Variants in MRPS28 observed in about 807,000 individuals in gnomAD.
MRPS28 encodes mitochondrial ribosomal protein S28.
In MRPS28, 7 loss-of-function variants were observed where a neutral mutation model predicts 10.8. That is an observed-to-expected ratio of 0.65 (90% CI 0.37 to 1.22). MRPS28 has a LOEUF of 1.22. MRPS28 is among the 50% of genes most tolerant of loss of function. The pLI, the probability that MRPS28 is intolerant of heterozygous loss-of-function variation, is 0.02. For missense variants in MRPS28, 265 were observed against 232.9 expected (o/e 1.14, Z -0.90); for synonymous variants, 121 against 93.3 (o/e 1.30, Z -1.71).
chr8:79,983,424 G>A (rs1485401624), intron 2 of MRPS28, among the ~76,000 whole-genome samples: 1 of 152,182 alleles, frequency 6.6e-6, no homozygotes, highest in Non-Finnish European at 1.5e-5. Context: ...GCTGGACGGA[G>A]AATGACTTTG....
At chr8:79,919,260 G>T (rs915770471) in intron 2 of MRPS28, 112 bp from the exon 3 acceptor site, 2 of 727,000 alleles carry the variant, frequency 2.8e-6, no homozygotes, top group Non-Finnish European at 3.9e-6. Flanking sequence ...TCAAGATGAA[G>T]TTAACACTGG....
chr8:79,919,214 A>G, intron 2 of MRPS28, 66 bp from the exon 3 acceptor site: 1 of 1,232,622 alleles, frequency 8.1e-7, no homozygotes. Flanking sequence ...CTAGTTTAAT[A>G]ACAACAACCA....
At chr8:80,021,805 T>C (rs1308918148) in intron 1 of MRPS28, among the ~76,000 whole-genome samples, 3 of 152,192 alleles carry the variant, frequency 2.0e-5, no homozygotes, top group South Asian at 4.1e-4. Context: ...TTAAAAATCA[T>C]TGTAGATTCA....
intron 2 of MRPS28, among the ~76,000 whole-genome samples, chr8:80,002,336 C>G (rs1340956832): frequency 6.6e-6 from 1 of 151,756 alleles, no homozygotes; most frequent in Non-Finnish European, 1.5e-5. Flanking sequence ...ATACTGTCAA[C>G]TGTAACATGC....
intron 1 of MRPS28, among the ~76,000 whole-genome samples, chr8:80,016,969 G>C (rs1041620520): frequency 1.3e-5 from 2 of 152,140 alleles, no homozygotes; most frequent in Non-Finnish European, 1.5e-5. Flanking sequence ...GACATCTGTA[G>C]ACAATTTCAT....
At chr8:79,940,938 T>C (rs1456010548) in intron 2 of MRPS28, among the ~76,000 whole-genome samples, 3 of 152,184 alleles carry the variant, frequency 2.0e-5, no homozygotes, top group Non-Finnish European at 4.4e-5. Context: ...GACGTAGGTA[T>C]TAAAATACCT....
At chr8:80,012,158 A>T (rs1011057189) in intron 1 of MRPS28, among the ~76,000 whole-genome samples, 4 of 152,174 alleles carry the variant, frequency 2.6e-5, no homozygotes, top group African/African-American at 9.7e-5. Context: ...TTTGCAAGGA[A>T]GTCAGTGTGT....
intron 2 of MRPS28, among the ~76,000 whole-genome samples, chr8:79,971,677 T>G (rs1282472125): frequency 6.6e-6 from 1 of 152,218 alleles, no homozygotes; most frequent in African/African-American, 2.4e-5. Flanking sequence ...AGACATGTTG[T>G]ATCACGTCTT....
chr8:79,974,401 G>T (rs368002057), intron 2 of MRPS28, among the ~76,000 whole-genome samples: 1 of 151,872 alleles, frequency 6.6e-6, no homozygotes, highest in African/African-American at 2.4e-5. Flanking sequence ...TTAGCCAGGC[G>T]TGGTGGTGGG....
At chr8:79,956,044 T>C (rs1807199640) in intron 2 of MRPS28, among the ~76,000 whole-genome samples, 1 of 152,166 alleles carries the variant, frequency 6.6e-6, no homozygotes, top group Non-Finnish European at 1.5e-5. Flanking sequence ...AGTTTCCTCA[T>C]CTAAAAAATG....
intron 1 of MRPS28, among the ~76,000 whole-genome samples, chr8:80,020,864 C>A (rs931525864): frequency 1.3e-5 from 2 of 152,092 alleles, no homozygotes; most frequent in Non-Finnish European, 2.9e-5. Flanking sequence ...TCTATCATAA[C>A]CCATAGGACA....
chr8:79,963,617 G>C (rs905194294), intron 2 of MRPS28, among the ~76,000 whole-genome samples: 1 of 152,110 alleles, frequency 6.6e-6, no homozygotes, highest in Admixed American at 6.6e-5. Flanking sequence ...AGTACAATAG[G>C]CCTTGCCTCA....
chr8:79,931,340 G>A (rs181024013), intron 2 of MRPS28, among the ~76,000 whole-genome samples: 33 of 152,200 alleles, frequency 2.2e-4, no homozygotes, highest in Admixed American at 2.0e-3. Flanking sequence ...TCAAAATCTT[G>A]GAGCTTTCTA....
At chr8:80,006,440 CAG>C (rs1201414708) in intron 1 of MRPS28, among the ~76,000 whole-genome samples, 1 of 151,982 alleles carries the variant, frequency 6.6e-6, no homozygotes, top group Admixed American at 6.6e-5. Flanking sequence ...CTGAAGGAGA[CAG>C]AGACACAAAA....
At chr8:79,999,965 C>G (rs958454226) in intron 2 of MRPS28, among the ~76,000 whole-genome samples, 1 of 152,126 alleles carries the variant, frequency 6.6e-6, no homozygotes, top group African/African-American at 2.4e-5. Context: ...TCACCAGGCA[C>G]TCTGTCACCA....
intron 2 of MRPS28, among the ~76,000 whole-genome samples, chr8:79,948,602 G>GT (rs1041960155): frequency 1.8e-4 from 27 of 151,682 alleles, no homozygotes; most frequent in South Asian, 8.3e-4. Context: ...TTAATTTTAA[G>GT]TTTTTTTTTA....
intron 2 of MRPS28, among the ~76,000 whole-genome samples, chr8:79,974,266 C>A (rs747603430): frequency 6.6e-5 from 10 of 151,982 alleles, no homozygotes; most frequent in South Asian, 4.2e-4. Flanking sequence ...ACGAGGCCGG[C>A]GCGGTGGCTC....
intron 1 of MRPS28, among the ~76,000 whole-genome samples, chr8:80,014,372 C>G (rs192554022): frequency 1.3e-5 from 2 of 152,116 alleles, no homozygotes; most frequent in Non-Finnish European, 2.9e-5. Flanking sequence ...GTTTGTTATG[C>G]AGCAGTAACT....
At chr8:79,937,951 A>G (rs1199596502) in intron 2 of MRPS28, among the ~76,000 whole-genome samples, 1 of 152,230 alleles carries the variant, frequency 6.6e-6, no homozygotes, top group Non-Finnish European at 1.5e-5. Context: ...ACTGTACACA[A>G]TGAGAGTTCA....
Sources: gnomAD v4.1 joint callset for allele counts (sites outside exome capture counted in the v4.1 genomes callset) on GRCh38, gnomAD v4.1.1 for gene constraint, MANE v1.5 for transcripts, NCBI Gene and HGNC (gene_info 2026-07-23, HGNC 2026-07-21) for gene names.